FBH1: variants seen among roughly 807,000 people sequenced by gnomAD.
FBH1 encodes F-box DNA helicase 1, also known as DNA 3'-5' helicase 1.
Under a neutral mutation model 115.5 loss-of-function variants are expected in FBH1, and 43 were observed. That is an observed-to-expected ratio of 0.37 (90% confidence interval 0.29 to 0.48). FBH1 has a LOEUF of 0.48. Among genes scored for constraint, FBH1 ranks in the 20% least tolerant of loss-of-function variants. The pLI, the probability that FBH1 is intolerant of heterozygous loss-of-function variation, is 0.99. For missense variants in FBH1, 1,001 were observed against 1,337.3 expected (o/e 0.75, Z 3.92); for synonymous variants, 524 against 507.8 (o/e 1.03, Z -0.43).
intron 3 of FBH1, among the ~76,000 whole-genome samples, chr10:5,907,474 T>A (rs1005171542): frequency 7.0e-6 from 1 of 142,712 alleles, no homozygotes; most frequent in African/African-American, 2.6e-5. Context: ...TGTTGTTGGT[T>A]TTTTTTTTTT....
intron 13 of FBH1, among the ~76,000 whole-genome samples, chr10:5,919,881 C>T (rs1472563931): frequency 6.6e-6 from 1 of 152,158 alleles, no homozygotes; most frequent in East Asian, 1.9e-4. Context: ...GAGGAGAGTT[C>T]CCATATATCC....
intron 19 of FBH1, among the ~76,000 whole-genome samples, chr10:5,930,368 A>G (rs1004087502): frequency 2.0e-5 from 3 of 152,168 alleles, no homozygotes; most frequent in South Asian, 4.1e-4. Flanking sequence ...TGCTTTTCCC[A>G]TGCTCTTGTC....
At chr10:5,930,722 A>C (rs1160235500) in intron 19 of FBH1, among the ~76,000 whole-genome samples, 1 of 152,238 alleles carries the variant, frequency 6.6e-6, no homozygotes, top group Non-Finnish European at 1.5e-5. Flanking sequence ...ACAGTGGTTC[A>C]TACTGATAAT....
At position 5,918,201 on chromosome 10, in the gene FBH1, G is replaced by A. The variant is rs565756016; in HGVS notation, c.1964-141G>A. The A allele has an allele frequency of 2.3e-5, 20 of 883,904 alleles. 1 individual carries two copies. The Admixed American group carries it at 3.3e-4, about 15-fold the overall frequency. 54.8% of individuals were successfully genotyped at this position (883,904 alleles called of 1,614,324 possible). A position where few individuals can be genotyped will look rare whatever the true frequency, so the allele number is the denominator to read the frequency against. ...TTATAAAATGGCTGCTTTTGATGGA[G>A]TGTGCCTGTCCTACAGGAAAAGGCG... On this transcript the variant is annotated intron_variant, in intron 12 of 20. Transcript: ENST00000362091. This position sits in a 1 kb window ranked among gnomAD's most constrained non-coding sequence, Gnocchi z 4.0.
rs760306921 is a variant in FBH1, at chr10:5,910,930, G to C, written c.1021-8G>C. On this transcript the variant is annotated splice_region_variant and splice_polypyrimidine_tract_variant and intron_variant, in intron 5 of 20. Transcript: ENST00000362091. This position sits in a 1 kb window ranked among gnomAD's most constrained non-coding sequence, Gnocchi z 4.8. ...CTGTCCCTCCCTCCCTGTGCACCTG[G>C]CTTGCAGGGTGTCAACATCTGGGCC... 6.2e-7 allele frequency: 1 copy of C among 1,605,966 alleles called. No homozygotes were observed. Among genetic ancestry groups the C allele is most frequent in the Non-Finnish European group, 8.5e-7 (1 of 1,178,040 alleles).
intron 1 of FBH1, among the ~76,000 whole-genome samples, chr10:5,892,408 A>T (rs1053932129): frequency 3.3e-5 from 5 of 152,230 alleles, no homozygotes; most frequent in Non-Finnish European, 7.3e-5. Context: ...GTTTGTTGAC[A>T]TCATCTTTTT....
At position 5,926,811 on chromosome 10, in the gene FBH1, T is replaced by A. The variant is rs188440780; in HGVS notation, c.2723-624T>A. Among the ~76,000 whole-genome samples, 578 of 152,368 alleles carry A rather than the reference T, an allele frequency of 3.8e-3. 5 individuals carry two copies. Among genetic ancestry groups the A allele is most frequent in the African/African-American group, 0.013 (545 of 41,582 alleles). On this transcript the variant is annotated intron_variant, in intron 18 of 20. Transcript: ENST00000362091. ...CAAAGTGTACAATTCAGCAGCTTTT[T>A]GCACGGCCTCGGGTCTGCTGTTCTT...
Position 5,906,961 on chromosome 10 carries a change from ACTT to A in FBH1, c.753+333_753+335del, listed in dbSNP as rs891823478. Reference sequence around the variant, plus strand: ...TGGAGGGTTCCTCATATCTCCCTTGACTTCTTTTTTTTTTTTTTTGAGACAGAG... The same window carrying A: ...TGGAGGGTTCCTCATATCTCCCTTGACTTTTTTTTTTTTTTTGAGACAGAG... On this transcript the variant is annotated intron_variant, in intron 3 of 20. Transcript: ENST00000362091. The surrounding 1 kb of genome is among the most constrained non-coding windows in gnomAD (Gnocchi z 7.3). Among the ~76,000 whole-genome samples, 1 of 144,178 alleles carries A rather than the reference ACTT, an allele frequency of 6.9e-6. No individual in the cohort carries two copies. The highest frequency in any genetic ancestry group is 2.6e-5 in the African/African-American group (1 of 38,948). 94.6% of individuals were successfully genotyped at this position (144,178 alleles called of 152,430 possible).
In FBH1 at chr10:5,931,048, AC is replaced by A. The variant is rs1301456322; in HGVS notation, c.2829+3509del. ...AAAGTTCTGGGATTATAGGTGTGAC[AC>A]CAGGCAAATTTCAACATTTTGTTGT... On this transcript the variant is annotated intron_variant, in intron 19 of 20. Coordinates refer to ENST00000362091, the MANE Select transcript of FBH1 (RefSeq NM_178150.3). The surrounding 1 kb of genome is among the most constrained non-coding windows in gnomAD (Gnocchi z 4.3). Among the ~76,000 whole-genome samples, 1 of 152,116 alleles carries A rather than the reference AC, an allele frequency of 6.6e-6. No individual in the cohort carries two copies. Among genetic ancestry groups the A allele is most frequent in the Non-Finnish European group, 1.5e-5 (1 of 68,010 alleles).
Position 5,917,440 on chromosome 10 carries a change from C to T in FBH1, c.1809C>T (p.Ser603=), listed in dbSNP as rs1200006545. 1.2e-6 allele frequency: 2 copies of T among 1,614,128 alleles called. No homozygotes were observed. The highest frequency in any genetic ancestry group is 1.7e-6 in the Non-Finnish European group (2 of 1,180,004). The stretch of plus-strand genomic sequence containing the variant: ...CCTAGAATGGTGTCCTTGAAGCGAG[C>T]CGCCTCTGGGATAACATGCGGAAGC... ...SEKLNGVLEA[S]RLWDNMRKLG... The change falls in exon 11 of 21, where the codon AGC becomes AGT. Residue 603 remains serine (S), a synonymous_variant. Coordinates refer to ENST00000362091, the MANE Select transcript of FBH1 (RefSeq NM_178150.3). This position sits in a 1 kb window ranked among gnomAD's most constrained non-coding sequence, Gnocchi z 5.6.
chr10:5,932,799 C>T lies in FBH1; in HGVS notation c.2830-3657C>T, dbSNP rs1833037188. 6.6e-6 allele frequency among the ~76,000 whole-genome samples: 1 copy of T among 152,168 alleles called. No individual in the cohort carries two copies. The highest frequency in any genetic ancestry group is 1.5e-5 in the Non-Finnish European group (1 of 68,034). Reference sequence around the variant, plus strand: ...GCGGCACAATCTTGGCCCACTGCAACCTCCGCCTCCCAGGCTCAAGCCATC... The same window carrying T: ...GCGGCACAATCTTGGCCCACTGCAATCTCCGCCTCCCAGGCTCAAGCCATC... On this transcript the variant is annotated intron_variant, in intron 19 of 20. Transcript: ENST00000362091. This position sits in a 1 kb window ranked among gnomAD's most constrained non-coding sequence, Gnocchi z 5.9.
At position 5,897,506 on chromosome 10, in the gene FBH1, G is replaced by C. The variant is rs374252346; in HGVS notation, c.2-5514G>C. On this transcript the variant is annotated intron_variant, in intron 1 of 20. Transcript: ENST00000362091. This position sits in a 1 kb window ranked among gnomAD's most constrained non-coding sequence, Gnocchi z 4.7. ...CTGACCTCCAGCTGACGTTAGAAAA[G>C]TTATTTTTGATACATATATCCAATA... Among the ~76,000 whole-genome samples, 52 of 152,184 alleles carry C rather than the reference G, an allele frequency of 3.4e-4. No homozygotes were observed. The highest frequency in any genetic ancestry group is 1.2e-3 in the African/African-American group (50 of 41,526).
chr10:5,930,573 C>T (rs1276766887), intron 19 of FBH1, among the ~76,000 whole-genome samples: 1 of 152,338 alleles, frequency 6.6e-6, no homozygotes, highest in African/African-American at 2.4e-5. Context: ...GAGAGGGCTT[C>T]GTGCTTTGCC....
At chr10:5,893,932 T>C in intron 1 of FBH1, 1 of 917,612 alleles carries the variant, frequency 1.1e-6, no homozygotes, top group Non-Finnish European at 1.3e-6. Flanking sequence ...AGACCATAAG[T>C]AGTGATCTTT....
chr10:5,900,252 G>A lies in FBH1; in HGVS notation c.2-2768G>A, dbSNP rs1040688317. ...AAACAGGTAAGTTTGTATGCATGCA[G>A]TTGGATAATTTGACAGACAGTTTTG... is the stretch of plus-strand genomic sequence containing the variant. On this transcript the variant is annotated intron_variant, in intron 1 of 20. Transcript: ENST00000362091. This position sits in a 1 kb window ranked among gnomAD's most constrained non-coding sequence, Gnocchi z 4.2. Among the ~76,000 whole-genome samples the A allele has an allele frequency of 2.0e-4, 30 of 152,244 alleles. No individual in the cohort carries two copies. The highest frequency in any genetic ancestry group is 7.0e-4 in the African/African-American group (29 of 41,466).
rs906640833 is a variant in FBH1, at chr10:5,909,795, G to C, written c.1020+501G>C. On this transcript the variant is annotated intron_variant, in intron 5 of 20. Transcript: ENST00000362091. This position sits in a 1 kb window ranked among gnomAD's most constrained non-coding sequence, Gnocchi z 4.4. The stretch of plus-strand genomic sequence containing the variant: ...TCCCAGATTTTATCTTCGAAGCTAC[G>C]TGCAACCTCTGCGTGTGTTTTACTG... Among the ~76,000 whole-genome samples, 7 of 152,296 alleles carry C rather than the reference G, an allele frequency of 4.6e-5. No homozygotes were observed. The East Asian group carries it at 5.8e-4, about 13-fold the overall frequency.
In FBH1 at chr10:5,910,151, A is replaced by G. The variant is rs1334493569; in HGVS notation, c.1021-787A>G. Among the ~76,000 whole-genome samples the G allele has an allele frequency of 6.6e-6, 1 of 152,034 alleles. No individual in the cohort carries two copies. The highest frequency in any genetic ancestry group is 1.5e-5 in the Non-Finnish European group (1 of 68,012). ...ACAAAAATTAGCCGAGCATGGTGGCATGTGCCTGTAGTACTGGCTACTCTG... is the reference window on the plus strand; with the variant it reads ...ACAAAAATTAGCCGAGCATGGTGGCGTGTGCCTGTAGTACTGGCTACTCTG... On this transcript the variant is annotated intron_variant, in intron 5 of 20. Coordinates refer to ENST00000362091, the MANE Select transcript of FBH1 (RefSeq NM_178150.3). The surrounding 1 kb of genome is among the most constrained non-coding windows in gnomAD (Gnocchi z 4.8).
At position 5,909,277 on chromosome 10, in the gene FBH1, C is replaced by T. The variant is rs1564443431; in HGVS notation, c.1003C>T (p.Leu335Phe). The stretch of plus-strand genomic sequence containing the variant: ...GTGTGTGCGGCAACACCTCCCCGAC[C>T]TCTACGCTGCTGCCGGGGTAGGTCT... ...EACVRQHLPD[L>F]YAAAGGVNIW... is the part of the protein sequence containing the mutation. Residue 335 changes from leucine (L) to phenylalanine (F), a missense_variant, in exon 5 of 21, where the codon CTC becomes TTC. Coordinates refer to ENST00000362091, the MANE Select transcript of FBH1 (RefSeq NM_178150.3). This position sits in a 1 kb window ranked among gnomAD's most constrained non-coding sequence, Gnocchi z 4.4. 3.1e-6 allele frequency: 5 copies of T among 1,610,616 alleles called. No individual in the cohort carries two copies. Among genetic ancestry groups the T allele is most frequent in the Non-Finnish European group, 4.2e-6 (5 of 1,179,962 alleles).
In FBH1 at chr10:5,915,216, G is replaced by A. The variant is rs1348702685; in HGVS notation, c.1397-187G>A. Among the ~76,000 whole-genome samples the A allele has an allele frequency of 6.6e-6, 1 of 152,174 alleles. No individual in the cohort carries two copies. Among genetic ancestry groups the A allele is most frequent in the East Asian group, 1.9e-4 (1 of 5,202 alleles). ...GGAGCCTGCCCCAGCTGAGATCCCA[G>A]CCCACCTTCACCTGGCTTTGAATCT... On this transcript the variant is annotated intron_variant, in intron 8 of 20. Transcript: ENST00000362091. The surrounding 1 kb of genome is among the most constrained non-coding windows in gnomAD (Gnocchi z 5.2).
Sources: allele counts gnomAD v4.1 joint callset (sites outside exome capture counted in the v4.1 genomes callset), GRCh38; gene constraint gnomAD v4.1.1; non-coding constraint Gnocchi (gnomAD v3.1); transcripts MANE v1.5; gene names NCBI Gene and HGNC (gene_info 2026-07-23, HGNC 2026-07-21).